The following DPP6 variants were observed in gnomAD, a reference collection of about 807,000 sequenced individuals.
DPP6 encodes dipeptidyl peptidase like 6.
Under a neutral mutation model 122.6 loss-of-function variants are expected in DPP6, and 69 were observed. That is an observed-to-expected ratio of 0.56 (90% confidence interval 0.46 to 0.69). The LOEUF is 0.69. DPP6 is among the 30% of genes least tolerant of loss of function. The pLI, the probability that DPP6 is intolerant of heterozygous loss-of-function variation, is 0.00. For synonymous variants in DPP6, 418 were observed against 433.1 expected, an observed-to-expected ratio of 0.97 and a Z score of 0.43; for missense variants, 928 against 1,116.9, an observed-to-expected ratio of 0.83 and a Z score of 2.41.
intron 10 of DPP6, among the ~76,000 whole-genome samples, chr7:154,775,807 G>A (rs1359600719): frequency 6.6e-6 from 1 of 152,126 alleles, no homozygotes; most frequent in Admixed American, 6.5e-5. Flanking sequence ...TGCTGACACT[G>A]TCTACACAGC....
At chr7:154,506,815 CA>C (rs1424766905) in intron 3 of DPP6, among the ~76,000 whole-genome samples, 4 of 152,184 alleles carry the variant, frequency 2.6e-5, no homozygotes, top group Non-Finnish European at 5.9e-5. Flanking sequence ...TTAGTGTGAT[CA>C]GGGGATAACT....
intron 1 of DPP6, among the ~76,000 whole-genome samples, chr7:154,065,961 T>C (rs1004206389): frequency 1.4e-4 from 21 of 152,130 alleles, no homozygotes; most frequent in East Asian, 1.4e-3. Context: ...ATTTTTCCTG[T>C]TGGAGACCCT....
intron 1 of DPP6, among the ~76,000 whole-genome samples, chr7:154,443,492 GTGGATTGA>G (rs1819559462): frequency 7.8e-6 from 1 of 128,500 alleles, no homozygotes; most frequent in African/African-American, 3.6e-5. Context: ...ATGGATGGAT[GTGGATTGA>G]CAGATACATG....
intron 8 of DPP6, among the ~76,000 whole-genome samples, chr7:154,729,362 A>T (rs73167040): frequency 0.099 from 15,121 of 152,210 alleles, 1,058 homozygotes; most frequent in Middle Eastern, 0.15. Flanking sequence ...TAGTGGCTTT[A>T]TGCATCATAA....
In DPP6 at chr7:154,036,039, T is replaced by C. The variant is rs1476709435; in HGVS notation, c.51+148305T>C. Among the ~76,000 whole-genome samples the C allele has an allele frequency of 2.0e-5, 3 of 152,032 alleles. 1 individual carries two copies. Among genetic ancestry groups the C allele is most frequent in the African/African-American group, 7.3e-5 (3 of 41,310 alleles). On this transcript the variant is annotated intron_variant, in intron 1 of 25. Coordinates refer to the DPP6 transcript ENST00000404039. ...GCGCGCTTGTGTGTGTGTGTGTGTG[T>C]GTGTGTGTATGTGAAAATAAACAAT...
chr7:154,718,407 A>G (rs900620721), intron 7 of DPP6, among the ~76,000 whole-genome samples: 2 of 152,086 alleles, frequency 1.3e-5, no homozygotes, highest in Non-Finnish European at 2.9e-5. Context: ...TCTTTAAACC[A>G]TTTTGAGTTG....
intron 1 of DPP6, among the ~76,000 whole-genome samples, chr7:154,317,967 A>G (rs1193163900): frequency 1.3e-5 from 2 of 152,262 alleles, no homozygotes; most frequent in African/African-American, 2.4e-5. Context: ...AATGCATGCC[A>G]AGTAAAGAAA....
intron 5 of DPP6, among the ~76,000 whole-genome samples, chr7:154,621,450 C>T (rs986235736): frequency 6.6e-6 from 1 of 152,312 alleles, no homozygotes; most frequent in East Asian, 1.9e-4. Flanking sequence ...CTCACTGCAA[C>T]CTCCGCCTCC....
At chr7:154,396,533 G>A (rs574553953) in intron 1 of DPP6, among the ~76,000 whole-genome samples, 3 of 152,292 alleles carry the variant, frequency 2.0e-5, no homozygotes, top group African/African-American at 7.2e-5. Context: ...ATGCTATCTC[G>A]TGCTCATATT....
intron 1 of DPP6, among the ~76,000 whole-genome samples, chr7:154,348,548 C>T (rs925242397): frequency 6.6e-6 from 1 of 152,114 alleles, no homozygotes; most frequent in African/African-American, 2.4e-5. Context: ...ACCCAAAGCA[C>T]GTAGAAGTCA....
chr7:154,320,389 T>C (rs1379112723), intron 1 of DPP6, among the ~76,000 whole-genome samples: 1 of 152,164 alleles, frequency 6.6e-6, no homozygotes, highest in Non-Finnish European at 1.5e-5. Context: ...TCCTCAATTC[T>C]ACAGGAAAAT....
chr7:154,298,256 G>A (rs571026078), intron 1 of DPP6, among the ~76,000 whole-genome samples: 1 of 98,880 alleles, frequency 1.0e-5, no homozygotes, highest in Non-Finnish European at 2.3e-5. Context: ...TTAAAAATCT[G>A]TCTCTCTCTC....
chr7:154,530,474 A>G (rs1380558345), intron 3 of DPP6, among the ~76,000 whole-genome samples: 1 of 151,956 alleles, frequency 6.6e-6, no homozygotes, highest in African/African-American at 2.4e-5. Context: ...CAGAACTTGA[A>G]AAAAAAAGTC....
chr7:154,776,495 T>A (rs1796581624), intron 10 of DPP6, among the ~76,000 whole-genome samples: 1 of 152,150 alleles, frequency 6.6e-6, no homozygotes. Flanking sequence ...CCCAGTGGAA[T>A]TTTTAGATAC....
At chr7:154,366,512 T>A (rs1431882893) in intron 1 of DPP6, among the ~76,000 whole-genome samples, 5 of 152,174 alleles carry the variant, frequency 3.3e-5, no homozygotes, top group Admixed American at 6.5e-5. Context: ...GAAAGAAATT[T>A]AAAAAATGCA....
At chr7:154,787,070 A>G (rs1213518772) in intron 10 of DPP6, among the ~76,000 whole-genome samples, 1 of 152,190 alleles carries the variant, frequency 6.6e-6, no homozygotes, top group Non-Finnish European at 1.5e-5. Context: ...TTTCTTTATT[A>G]TCATTGCAAT....
At chr7:153,768,036 G>A in the DPP6 span, among the ~76,000 whole-genome samples, 8 of 151,680 alleles carry the variant, frequency 5.3e-5, no homozygotes, top group Non-Finnish European at 2.9e-5. Flanking sequence ...TGGAACTAGG[G>A]TTGCAGACAA....
chr7:154,477,269 G>GCAGCACCAGCACCAGCAC (rs58122844), intron 3 of DPP6, among the ~76,000 whole-genome samples: 4 of 151,310 alleles, frequency 2.6e-5, no homozygotes, highest in Admixed American at 6.6e-5. Context: ...ACCACCACCA[G>GCAGCACCAGCACCAGCAC]CAGCACCAGC....
intron 5 of DPP6, among the ~76,000 whole-genome samples, chr7:154,613,105 G>A (rs1212215470): frequency 6.6e-6 from 1 of 152,130 alleles, no homozygotes; most frequent in Non-Finnish European, 1.5e-5. Flanking sequence ...TGAGAGCTCT[G>A]CCCTTATGAC....
Sources: gnomAD v4.1 joint callset for allele counts (sites outside exome capture counted in the v4.1 genomes callset) on GRCh38, gnomAD v4.1.1 for gene constraint, MANE v1.5 for transcripts, NCBI Gene and HGNC (gene_info 2026-07-23, HGNC 2026-07-21) for gene names.